Variants in GTF3C5 observed in about 807,000 individuals in gnomAD.
The protein encoded by GTF3C5 is general transcription factor IIIC subunit 5, also known as general transcription factor 3C polypeptide 5.
GTF3C5 carries 47 observed loss-of-function variants against 61.0 expected under a neutral mutation model. The ratio of observed to expected loss-of-function variants is 0.77; its 90% confidence interval spans 0.61 to 0.98. The LOEUF is 0.98. Among genes scored for constraint, GTF3C5 ranks in the 50% least tolerant of loss-of-function variants. The probability of loss-of-function intolerance (pLI) is 0.00; values close to 1 mark genes in which losing one functional copy is unlikely to be tolerated. For synonymous variants in GTF3C5, 295 were observed against 275.4 expected (o/e 1.07, Z -0.71); for missense variants, 659 against 703.3 (o/e 0.94, Z 0.71).
rs182355054 is a variant in GTF3C5 at position 133,041,153 on chromosome 9, G to A, written c.154-934G>A. Among the ~76,000 whole-genome samples the A allele has an allele frequency of 2.6e-4, 40 of 152,274 alleles. 1 individual carries two copies. The highest frequency in any genetic ancestry group is 8.4e-4 in the African/African-American group (35 of 41,568). ...CTTGCCAAGCGGACCATGGTCTAGC[G>A]GTAGCATCAGTGTCAAGGAAAAACA... On this transcript the variant is annotated intron_variant, in intron 1 of 10. Coordinates refer to ENST00000372097, the MANE Select transcript of GTF3C5 (RefSeq NM_012087.4).
rs637435 is a variant in GTF3C5, at chr9:133,056,848, G to A, written c.1333G>A (p.Asp445Asn). The A allele has an allele frequency of 4.5e-4, 723 of 1,611,934 alleles. No homozygotes were observed. The highest frequency in any genetic ancestry group is 6.2e-4 in the Admixed American group (37 of 59,776). Residue 445 changes from aspartate (D) to asparagine (N), a missense_variant, in exon 10 of 11, where the codon GAC (aspartate) becomes AAC (asparagine). Coordinates refer to ENST00000372097, the MANE Select transcript of GTF3C5 (RefSeq NM_012087.4). ...RDGWCLPKTS[D>N]ELRDTMSLMI... ...TGGGTGGTGCCTCCCCAAGACCAGC[G>A]ACGAGCTCAGGGACACCATGTCCCT...
chr9:133,036,195 A>G (rs570706285), intron 1 of GTF3C5, among the ~76,000 whole-genome samples: 3 of 152,186 alleles, frequency 2.0e-5, no homozygotes, highest in Non-Finnish European at 2.9e-5. Flanking sequence ...CTAAACACTC[A>G]TGCTCAGGTC....
intron 1 of GTF3C5, among the ~76,000 whole-genome samples, chr9:133,037,475 T>C (rs956157818): frequency 6.6e-6 from 1 of 152,140 alleles, no homozygotes; most frequent in African/African-American, 2.4e-5. Context: ...GGGATATTGC[T>C]TCCTTCTTAC....
intron 1 of GTF3C5, among the ~76,000 whole-genome samples, chr9:133,036,915 C>T (rs1339446473): frequency 6.6e-6 from 1 of 152,016 alleles, no homozygotes; most frequent in East Asian, 1.9e-4. Flanking sequence ...CCTTTGAAAC[C>T]CCATAACCCT....
chr9:133,047,107 A>G (rs1489976197), intron 3 of GTF3C5, among the ~76,000 whole-genome samples: 1 of 152,170 alleles, frequency 6.6e-6, no homozygotes, highest in East Asian at 1.9e-4. Context: ...TTCAGAAACA[A>G]GCAGTGCGGA....
In GTF3C5 at chr9:133,054,838, G is replaced by A. The variant is rs757511318; in HGVS notation, c.1167+29G>A. ...GGCGCCCCTGGAGGCCAGGAATGGAGGGGAGGACTTCCCTCTTGGGGCCGG... is the reference window on the plus strand; with the variant it reads ...GGCGCCCCTGGAGGCCAGGAATGGAAGGGAGGACTTCCCTCTTGGGGCCGG... On this transcript the variant is annotated intron_variant, in intron 8 of 10. Coordinates refer to ENST00000372097, the MANE Select transcript of GTF3C5 (RefSeq NM_012087.4). 1.8e-5 allele frequency: 28 copies of A among 1,549,026 alleles called. No homozygotes were observed. In the South Asian group the frequency reaches 2.9e-4, roughly 16 times the overall value.
intron 6 of GTF3C5, 147 bp downstream of exon 6, chr9:133,054,089 A>G: frequency 1.5e-6 from 1 of 659,110 alleles, no homozygotes. Context: ...TGAATGCAGA[A>G]TGGCGTGGAA....
chr9:133,032,925 G>A (rs1462492004), intron 1 of GTF3C5, among the ~76,000 whole-genome samples: 2 of 152,242 alleles, frequency 1.3e-5, no homozygotes, highest in East Asian at 3.9e-4. Context: ...TATTATTTGG[G>A]ATAAAAGTAC....
intron 3 of GTF3C5, among the ~76,000 whole-genome samples, chr9:133,048,476 G>C (rs1014852634): frequency 6.6e-6 from 1 of 152,056 alleles, no homozygotes; most frequent in African/African-American, 2.4e-5. Context: ...CAGCCTGGGC[G>C]ACCGAGTGAC....
chr9:133,039,594 G>A (rs970726661), intron 1 of GTF3C5, among the ~76,000 whole-genome samples: 2 of 152,094 alleles, frequency 1.3e-5, no homozygotes, highest in African/African-American at 2.4e-5. Context: ...TTGTAGAGAC[G>A]TGGTCTCCCT....
intron 1 of GTF3C5, among the ~76,000 whole-genome samples, chr9:133,039,453 G>A (rs1849973458): frequency 6.6e-6 from 1 of 151,950 alleles, no homozygotes; most frequent in African/African-American, 2.4e-5. Flanking sequence ...ACCAAGGCTG[G>A]AGTGCAGTAG....
chr9:133,033,399 A>G (rs1463826724), intron 1 of GTF3C5, among the ~76,000 whole-genome samples: 1 of 152,138 alleles, frequency 6.6e-6, no homozygotes, highest in Non-Finnish European at 1.5e-5. Context: ...GTCCACCACA[A>G]TGCCACCATA....
intron 3 of GTF3C5, among the ~76,000 whole-genome samples, chr9:133,046,813 G>C (rs1451032293): frequency 6.6e-6 from 1 of 152,174 alleles, no homozygotes; most frequent in Non-Finnish European, 1.5e-5. Context: ...AGCCAGCCAG[G>C]TGAAGATCCA....
chr9:133,034,718 C>T (rs565836688), intron 1 of GTF3C5, among the ~76,000 whole-genome samples: 3 of 152,268 alleles, frequency 2.0e-5, no homozygotes, highest in Admixed American at 6.5e-5. Context: ...ACGTGATCCC[C>T]AGGCTGATGC....
Position 133,055,332 on chromosome 9 carries a change from C to T in GTF3C5, c.1167+523C>T, listed in dbSNP as rs774731790. On this transcript the variant is annotated intron_variant, in intron 8 of 10. Coordinates refer to ENST00000372097, the MANE Select transcript of GTF3C5 (RefSeq NM_012087.4). ...GAGGCCGAGAAGGGGGCATCCCGCACGGTGGAATCACCTGCTGAGGGAGTG... is the reference window on the plus strand; with the variant it reads ...GAGGCCGAGAAGGGGGCATCCCGCATGGTGGAATCACCTGCTGAGGGAGTG... The T allele has an allele frequency of 1.4e-5, 19 of 1,355,276 alleles. 1 individual carries two copies. The highest frequency in any genetic ancestry group is 2.0e-4 in the Middle Eastern group (1 of 5,052). 84.0% of individuals were successfully genotyped at this position (1,355,276 alleles called of 1,614,324 possible).
intron 1 of GTF3C5, among the ~76,000 whole-genome samples, chr9:133,040,304 C>A (rs1321464347): frequency 2.6e-5 from 4 of 152,192 alleles, no homozygotes; most frequent in Non-Finnish European, 5.9e-5. Flanking sequence ...AAGGGACAGA[C>A]CCTGTCCTGG....
intron 5 of GTF3C5, among the ~76,000 whole-genome samples, chr9:133,052,811 C>T (rs965897449): frequency 6.6e-6 from 1 of 152,116 alleles, no homozygotes; most frequent in Non-Finnish European, 1.5e-5. Flanking sequence ...TGCTGCTTGG[C>T]GTTGGCATTT....
Position 133,042,090 on chromosome 9 carries a change from T to G in GTF3C5, c.157T>G (p.Tyr53Asp), listed in dbSNP as rs763693192. The G allele has an allele frequency of 6.2e-7, 1 of 1,612,602 alleles. No homozygotes were observed. Among genetic ancestry groups the G allele is most frequent in the Non-Finnish European group, 8.5e-7 (1 of 1,179,284 alleles). The change falls in exon 2 of 11, where the codon TAC becomes GAC. Residue 53 changes from tyrosine (Y) to aspartate (D), a missense_variant. By Grantham distance (160) the Tyr-to-Asp change is radical. Coordinates refer to ENST00000372097, the MANE Select transcript of GTF3C5 (RefSeq NM_012087.4). ...GTCTCCTTTGGCCTTGCCACAGATCTACGCAGACCCCACCAAGAGGCTGGA... is the reference window on the plus strand; with the variant it reads ...GTCTCCTTTGGCCTTGCCACAGATCGACGCAGACCCCACCAAGAGGCTGGA... The part of the protein sequence containing the change: ...LGGEEGVSRI[Y>D]ADPTKRLELY...
chr9:133,035,255 C>T lies in GTF3C5; in HGVS notation c.153+4091C>T, dbSNP rs567396664. On this transcript the variant is annotated intron_variant, in intron 1 of 10. Transcript: ENST00000372097. ...AAAAGGGAATAGGTTCCCTCCAGTG[C>T]GTAAGGTGATCTACTATCACTAATA... 1.2e-4 allele frequency among the ~76,000 whole-genome samples: 19 copies of T among 152,264 alleles called. No homozygotes were observed. The South Asian group carries it at 1.5e-3, about 12-fold the overall frequency.
Sources: gnomAD v4.1 joint callset for allele counts (sites outside exome capture counted in the v4.1 genomes callset) on GRCh38, gnomAD v4.1.1 for gene constraint, MANE v1.5 for transcripts, NCBI Gene and HGNC (gene_info 2026-07-23, HGNC 2026-07-21) for gene names.